Variants in PRDM11 observed in about 807,000 individuals in gnomAD.
PRDM11 encodes the protein PR domain-containing protein 11.
In PRDM11, 20 loss-of-function variants were observed where a neutral mutation model predicts 97.8. That is an observed-to-expected ratio of 0.20 (90% CI 0.14 to 0.30). PRDM11 has a LOEUF of 0.30. PRDM11 is among the 10% of genes least tolerant of loss of function. The probability of loss-of-function intolerance (pLI) is 1.00; values close to 1 mark genes in which losing one functional copy is unlikely to be tolerated. For synonymous variants in PRDM11, 599 were observed against 637.7 expected (o/e 0.94, Z 0.91); for missense variants, 1,139 against 1,555.2 (o/e 0.73, Z 4.50).
intron 1 of PRDM11, among the ~76,000 whole-genome samples, chr11:45,165,636 C>T (rs950720219): frequency 5.3e-5 from 8 of 152,240 alleles, no homozygotes; most frequent in Non-Finnish European, 1.2e-4. Context: ...GGATCGTTGC[C>T]ATGTGGGACT....
chr11:45,141,341 G>A (rs1851400658), intron 1 of PRDM11, among the ~76,000 whole-genome samples: 1 of 152,220 alleles, frequency 6.6e-6, no homozygotes, highest in South Asian at 2.1e-4. Flanking sequence ...GGGTTGGTCT[G>A]TGTGACCACA....
At chr11:45,102,683 G>T (rs1468713168) in intron 1 of PRDM11, among the ~76,000 whole-genome samples, 1 of 149,912 alleles carries the variant, frequency 6.7e-6, no homozygotes, top group African/African-American at 2.4e-5. Context: ...ATTAGGTCCA[G>T]ATGACCTGTG....
intron 1 of PRDM11, among the ~76,000 whole-genome samples, chr11:45,149,511 C>G (rs1851608588): frequency 6.6e-6 from 1 of 152,212 alleles, no homozygotes; most frequent in African/African-American, 2.4e-5. Context: ...TAGTGCTTTC[C>G]TCTTACTATT....
chr11:45,204,113 G>GTCTTTAGC (rs1853425507), intron 4 of PRDM11, among the ~76,000 whole-genome samples: 1 of 152,174 alleles, frequency 6.6e-6, no homozygotes, highest in African/African-American at 2.4e-5. Context: ...GCAGTCTTCA[G>GTCTTTAGC]AGTGCTGAAA....
chr11:45,157,478 GT>G (rs1210023307), intron 1 of PRDM11, among the ~76,000 whole-genome samples: 5 of 152,156 alleles, frequency 3.3e-5, no homozygotes, highest in African/African-American at 4.8e-5. Flanking sequence ...CTGCAACCTG[GT>G]TCCTAACAGG....
At chr11:45,205,884 A>T (rs551108068) in intron 5 of PRDM11, among the ~76,000 whole-genome samples, 48 of 152,188 alleles carry the variant, frequency 3.2e-4, no homozygotes, top group African/African-American at 1.0e-3. Flanking sequence ...TCGCCCTCTT[A>T]TGGGTTAGGG....
chr11:45,128,988 A>C (rs1852654055), intron 1 of PRDM11, among the ~76,000 whole-genome samples: 1 of 152,200 alleles, frequency 6.6e-6, no homozygotes, highest in South Asian at 2.1e-4. Context: ...CATGGTGTTT[A>C]TTCTAAGAAT....
chr11:45,094,776 GGGAA>G (rs200514344), upstream of PRDM11, among the ~76,000 whole-genome samples: 1,677 of 133,566 alleles, frequency 0.013, 18 homozygotes, highest in Middle Eastern at 0.026. Context: ...AAGGAATAGA[GGGAA>G]GGAAGGGAGG....
At chr11:45,213,428 C>T (rs1038551379) in intron 5 of PRDM11, 4 of 447,916 alleles carry the variant, frequency 8.9e-6, no homozygotes, top group African/African-American at 8.0e-5. Flanking sequence ...CATGTGACCT[C>T]CCAGGCCCTG....
upstream of PRDM11, among the ~76,000 whole-genome samples, chr11:45,143,994 T>A (rs377705262): frequency 3.9e-4 from 59 of 152,274 alleles, 1 homozygote; most frequent in South Asian, 0.012. Context: ...TCCGTGGTGA[T>A]CACACTCAGG....
At chr11:45,222,302 A>G (rs993387433) in intron 6 of PRDM11, among the ~76,000 whole-genome samples, 2 of 152,234 alleles carry the variant, frequency 1.3e-5, no homozygotes, top group African/African-American at 4.8e-5. Flanking sequence ...CACAAAGATC[A>G]TACTAAGAAA....
chr11:45,158,801 C>T (rs539853879), intron 1 of PRDM11, among the ~76,000 whole-genome samples: 1 of 152,100 alleles, frequency 6.6e-6, no homozygotes, highest in Non-Finnish European at 1.5e-5. Flanking sequence ...TCGGTGCCCC[C>T]CCTTCTCTAA....
intron 1 of PRDM11, among the ~76,000 whole-genome samples, chr11:45,151,468 A>G (rs981287803): frequency 6.6e-6 from 1 of 152,222 alleles, no homozygotes; most frequent in African/African-American, 2.4e-5. Flanking sequence ...GTGGCTCTGT[A>G]AGTGGGGAGG....
chr11:45,217,521 C>T (rs1002933758), intron 5 of PRDM11, among the ~76,000 whole-genome samples: 2 of 152,226 alleles, frequency 1.3e-5, no homozygotes, highest in Non-Finnish European at 2.9e-5. Flanking sequence ...CATGGTGGAG[C>T]CTGTGGCTTG....
intron 5 of PRDM11, among the ~76,000 whole-genome samples, chr11:45,218,840 T>C (rs149814051): frequency 2.4e-3 from 362 of 152,332 alleles, no homozygotes; most frequent in African/African-American, 8.2e-3. Flanking sequence ...CATGCCCACA[T>C]AGGAGCCATG....
At chr11:45,136,432 G>C (rs975183268) in intron 1 of PRDM11, among the ~76,000 whole-genome samples, 2 of 152,096 alleles carry the variant, frequency 1.3e-5, no homozygotes, top group African/African-American at 2.4e-5. Context: ...ATCCACCTTG[G>C]ATAAAACAAG....
chr11:45,213,695 T>C (rs7105035), intron 5 of PRDM11: 58,995 of 456,416 alleles, frequency 0.13, 5,222 homozygotes, highest in Admixed American at 0.32. Flanking sequence ...CTGGGTGGTC[T>C]CAGTGGGGGC....
chr11:45,211,466 C>T (rs1328849076), intron 5 of PRDM11, among the ~76,000 whole-genome samples: 1 of 152,136 alleles, frequency 6.6e-6, no homozygotes, highest in Non-Finnish European at 1.5e-5. Context: ...AAAGCAGGAC[C>T]CACATGTGCA....
chr11:45,101,570 G>A (rs9736028), intron 1 of PRDM11, among the ~76,000 whole-genome samples: 6,533 of 72,638 alleles, frequency 0.09, 637 homozygotes, highest in African/African-American at 0.21. Context: ...AAAAAAAAAA[G>A]AAGAAGAAGA....
Sources: allele counts gnomAD v4.1 joint callset (sites outside exome capture counted in the v4.1 genomes callset), GRCh38; gene constraint gnomAD v4.1.1; transcripts MANE v1.5; gene names NCBI Gene and HGNC (gene_info 2026-07-23, HGNC 2026-07-21).